The following CRTC1 variants were observed in gnomAD, a reference collection of about 807,000 sequenced individuals.
The protein encoded by CRTC1 is CREB regulated transcription coactivator 1.
In CRTC1, 18 loss-of-function variants were observed where a neutral mutation model predicts 66.1. That is an observed-to-expected ratio of 0.27 (90% CI 0.19 to 0.40). The LOEUF is 0.40. Ranked by LOEUF, CRTC1 falls within the 10% of genes least tolerant of loss-of-function variation. The pLI, the probability that CRTC1 is intolerant of heterozygous loss-of-function variation, is 1.00. For missense variants in CRTC1, 669 were observed against 887.9 expected, an observed-to-expected ratio of 0.75 and a Z score of 3.13; for synonymous variants, 416 against 398.8, an observed-to-expected ratio of 1.04 and a Z score of -0.51.
Position 18,768,476 on chromosome 19 carries a change from C to A in CRTC1, c.1012-9C>A. The A allele has an allele frequency of 1.9e-6, 3 of 1,607,628 alleles. No homozygotes were observed. The highest frequency in any genetic ancestry group is 1.1e-5 in the South Asian group (1 of 90,922). On this transcript the variant is annotated splice_polypyrimidine_tract_variant and intron_variant, in intron 9 of 13. Coordinates refer to ENST00000321949, the MANE Select transcript of CRTC1 (RefSeq NM_015321.3). This position sits in a 1 kb window ranked among gnomAD's most constrained non-coding sequence, Gnocchi z 5.6. ...GGCCCGCCCTGCCTGACGCTCTCCT[C>A]TCCTGCAGGCTGTAGCCATGGACGC...
In CRTC1 at chr19:18,778,157, G is replaced by A. The variant is rs186484626; in HGVS notation, c.*775G>A. On this transcript the variant is annotated 3_prime_UTR_variant, in exon 14 of 14. Transcript: ENST00000321949. ...CGGAAGGCCCCGTGAGGGGTCGAACGCGGAGGCAGGGGTTACCTCTTGGGG... is the reference window on the plus strand; with the variant it reads ...CGGAAGGCCCCGTGAGGGGTCGAACACGGAGGCAGGGGTTACCTCTTGGGG... The A allele has an allele frequency of 1.7e-5, 4 of 232,940 alleles. No individual in the cohort carries two copies. The highest frequency in any genetic ancestry group is 6.1e-5 in the East Asian group (1 of 16,498). The allele number at this position is 232,940 out of a possible 1,614,324, so 14.4% of individuals were successfully genotyped here.
At chr19:18,708,731 C>T (rs1273835795) in intron 1 of CRTC1, among the ~76,000 whole-genome samples, 1 of 152,202 alleles carries the variant, frequency 6.6e-6, no homozygotes, top group Non-Finnish European at 1.5e-5. Context: ...TCCTGTGGGG[C>T]CGGCCTGGCC....
intron 1 of CRTC1, among the ~76,000 whole-genome samples, chr19:18,728,686 G>A (rs886259717): frequency 2.0e-5 from 3 of 151,804 alleles, no homozygotes; most frequent in Non-Finnish European, 4.4e-5. Context: ...TGTATTTTTA[G>A]TAGAGACGGA....
At chr19:18,728,367 G>T (rs545211639) in intron 1 of CRTC1, among the ~76,000 whole-genome samples, 1 of 152,126 alleles carries the variant, frequency 6.6e-6, no homozygotes, top group South Asian at 2.1e-4. Flanking sequence ...ATGCATTGTG[G>T]GTAAGCAAAA....
At chr19:18,758,343 G>A (rs1600966427) in intron 6 of CRTC1, among the ~76,000 whole-genome samples, 2 of 148,584 alleles carry the variant, frequency 1.3e-5, no homozygotes, top group East Asian at 3.9e-4. Flanking sequence ...CTGAGAGACA[G>A]AGTGAGACTC....
intron 2 of CRTC1, among the ~76,000 whole-genome samples, chr19:18,744,566 G>A (rs761150128): frequency 6.6e-6 from 1 of 152,282 alleles, no homozygotes; most frequent in Middle Eastern, 3.4e-3. Context: ...AGGACGTGGC[G>A]AGCCCGGGTG....
At position 18,689,564 on chromosome 19, in the gene CRTC1, CATATATATAT is replaced by C. The variant is rs10616884; in HGVS notation, c.126+5749_126+5758del. ...CATCTCAAAAAAAAAAATTGATGGCCATATATATATATATATATATATGTAATATAACACT... is the reference window on the plus strand; with the variant it reads ...CATCTCAAAAAAAAAAATTGATGGCCATATATATATATGTAATATAACACT... On this transcript the variant is annotated intron_variant, in intron 1 of 13. Coordinates refer to ENST00000321949, the MANE Select transcript of CRTC1 (RefSeq NM_015321.3). Among the ~76,000 whole-genome samples the C allele has an allele frequency of 2.6e-4, 10 of 38,336 alleles. No individual in the cohort carries two copies. In the East Asian group the frequency reaches 6.9e-3, roughly 27 times the overall value. 25.1% of individuals were successfully genotyped at this position (38,336 alleles called of 152,430 possible).
chr19:18,747,499 G>A (rs1279834485), intron 4 of CRTC1, among the ~76,000 whole-genome samples: 1 of 152,126 alleles, frequency 6.6e-6, no homozygotes, highest in African/African-American at 2.4e-5. Flanking sequence ...TTGCCAGCAT[G>A]GTGGCGCATG....
At chr19:18,776,866 C>T (rs915839486) in intron 13 of CRTC1, among the ~76,000 whole-genome samples, 13 of 152,206 alleles carry the variant, frequency 8.5e-5, no homozygotes, top group African/African-American at 2.9e-4. Context: ...GGTCCCTGCC[C>T]TCGCCAGGTC....
chr19:18,730,620 AGC>A, intron 1 of CRTC1, among the ~76,000 whole-genome samples: 1 of 152,126 alleles, frequency 6.6e-6, no homozygotes, highest in Non-Finnish European at 1.5e-5. Context: ...CCCTGTGTCC[AGC>A]CTCCACTCCC....
At chr19:18,765,604 C>T (rs1568535978) in intron 9 of CRTC1, 76 bp downstream of exon 9, 1 of 1,414,594 alleles carries the variant, frequency 7.1e-7, no homozygotes, top group Non-Finnish European at 9.5e-7. Flanking sequence ...CTTAGAAGGC[C>T]TCCTGTTCCT....
At chr19:18,710,911 C>T (rs553426003) in intron 1 of CRTC1, among the ~76,000 whole-genome samples, 5 of 152,342 alleles carry the variant, frequency 3.3e-5, no homozygotes, top group Admixed American at 6.5e-5. Context: ...CCACCGCGCC[C>T]GGCCTCACCC....
chr19:18,777,101 G>C lies in CRTC1; in HGVS notation c.1694-70G>C. The C allele has an allele frequency of 1.1e-6, 1 of 885,378 alleles. No individual in the cohort carries two copies. The highest frequency in any genetic ancestry group is 1.8e-6 in the Non-Finnish European group (1 of 542,456). The allele number at this position is 885,378 out of a possible 1,614,324, so 54.8% of individuals were successfully genotyped here. A position where few individuals can be genotyped will look rare whatever the true frequency, so the allele number is the denominator to read the frequency against. ...CAGAGTCGCCCGGCGGGCATGCCTG[G>C]TCCGACACATGGATGCGAGCGATGG... On this transcript the variant is annotated intron_variant, in intron 13 of 13. Coordinates refer to ENST00000321949, the MANE Select transcript of CRTC1 (RefSeq NM_015321.3). The surrounding 1 kb of genome is among the most constrained non-coding windows in gnomAD (Gnocchi z 5.5).
Position 18,683,760 on chromosome 19 carries a change from A to C in CRTC1, c.58A>C (p.Lys20Gln). 1 of 1,399,614 alleles carries C rather than the reference A, an allele frequency of 7.1e-7. No homozygotes were observed. The highest frequency in any genetic ancestry group is 9.5e-7 in the Non-Finnish European group (1 of 1,052,994). The allele number at this position is 1,399,614 out of a possible 1,614,324, so 86.7% of individuals were successfully genotyped here. Residue 20 changes from lysine to glutamine, a missense_variant, in exon 1 of 14, where the codon AAG becomes CAG. This residue lies in a region of CRTC1 where 23 missense variants were observed against 30.6 expected (regional missense o/e 0.75). Transcript: ENST00000321949. ...CGAGAAGATCGCGCTGCACAATCAG[A>C]AGCAGGCGGAGGAGACGGCGGCCTT... ...FSEKIALHNQ[K>Q]QAEETAAFEE... is the part of the protein sequence containing the mutation.
Position 18,775,656 on chromosome 19 carries a change from A to G in CRTC1, c.1528A>G (p.Met510Val), listed in dbSNP as rs1249639602. The change falls in exon 13 of 14, where the codon ATG becomes GTG. Residue 510 changes from methionine to valine, a missense_variant. Met to Val is a conservative substitution (Grantham distance 21). Coordinates refer to ENST00000321949, the MANE Select transcript of CRTC1 (RefSeq NM_015321.3). Reference protein sequence around the residue: ...ALSHQLEQFNMMENAISSSSL... With the variant: ...ALSHQLEQFNVMENAISSSSL... ...CCCTTCCCAGCTGGAGCAGTTCAAC[A>G]TGATGGAGAACGCCATCAGCTCCAG... 1.7e-5 allele frequency: 27 copies of G among 1,601,390 alleles called. No homozygotes were observed. Among genetic ancestry groups the G allele is most frequent in the Non-Finnish European group, 2.3e-5 (27 of 1,174,640 alleles).
At chr19:18,697,795 A>G (rs1021073370) in intron 1 of CRTC1, among the ~76,000 whole-genome samples, 1 of 152,254 alleles carries the variant, frequency 6.6e-6, no homozygotes, top group African/African-American at 2.4e-5. Context: ...CTGTGGACAC[A>G]TGGTGTACCC....
In CRTC1 at chr19:18,692,502, G is replaced by A. The variant is rs564456980; in HGVS notation, c.126+8674G>A. 1.5e-3 allele frequency among the ~76,000 whole-genome samples: 225 copies of A among 152,064 alleles called. 1 individual carries two copies. The highest frequency in any genetic ancestry group is 5.2e-3 in the African/African-American group (214 of 41,504). On this transcript the variant is annotated intron_variant, in intron 1 of 13. Coordinates refer to ENST00000321949, the MANE Select transcript of CRTC1 (RefSeq NM_015321.3). ...TGTAATCCCAGCTACTCAGGAGGCT[G>A]AGACAGGAGAATTGCTTGAACTTGG...
At chr19:18,755,857 C>T (rs1349803085) in intron 6 of CRTC1, among the ~76,000 whole-genome samples, 1 of 152,012 alleles carries the variant, frequency 6.6e-6, no homozygotes, top group Non-Finnish European at 1.5e-5. Flanking sequence ...CTGCCTCAGC[C>T]TCCCAAAGTG....
chr19:18,692,046 C>T (rs1374778602), intron 1 of CRTC1, among the ~76,000 whole-genome samples: 1 of 152,106 alleles, frequency 6.6e-6, no homozygotes, highest in African/African-American at 2.4e-5. Context: ...ACAATCCATA[C>T]CCGAACACTG....
Sources: allele counts gnomAD v4.1 joint callset (sites outside exome capture counted in the v4.1 genomes callset), GRCh38; gene constraint gnomAD v4.1.1; regional missense constraint gnomAD v4.1.1; non-coding constraint Gnocchi (gnomAD v3.1); transcripts MANE v1.5; gene names NCBI Gene and HGNC (gene_info 2026-07-23, HGNC 2026-07-21).